Variants in SFMBT2 observed in about 807,000 individuals in gnomAD.
The protein encoded by SFMBT2 is scm-like with four MBT domains protein 2.
Under a neutral mutation model 110.1 loss-of-function variants are expected in SFMBT2, and 38 were observed. The observed-to-expected ratio is 0.35, with a 90% confidence interval of 0.27 to 0.45. The LOEUF (loss-of-function observed/expected upper bound fraction) is 0.45. SFMBT2 is among the 20% of genes least tolerant of loss of function. The probability of loss-of-function intolerance (pLI) is 1.00; values close to 1 mark genes in which losing one functional copy is unlikely to be tolerated. For synonymous variants in SFMBT2, 425 were observed against 425.4 expected, an observed-to-expected ratio of 1.00 and a Z score of 0.01; for missense variants, 1,011 against 1,094.9, an observed-to-expected ratio of 0.92 and a Z score of 1.08.
intron 7 of SFMBT2, among the ~76,000 whole-genome samples, chr10:7,254,574 C>A (rs1840934054): frequency 6.6e-6 from 1 of 152,074 alleles, no homozygotes; most frequent in Non-Finnish European, 1.5e-5. Context: ...GTAATCCCAG[C>A]ACTTTGGGAG....
intron 4 of SFMBT2, among the ~76,000 whole-genome samples, chr10:7,328,064 C>A (rs545240151): frequency 6.6e-6 from 1 of 152,306 alleles, no homozygotes; most frequent in Non-Finnish European, 1.5e-5. Flanking sequence ...ATTGGCTTTC[C>A]CATTTTGCAT....
intron 1 of SFMBT2, among the ~76,000 whole-genome samples, chr10:7,406,606 G>A (rs1480685510): frequency 1.3e-5 from 2 of 152,072 alleles, no homozygotes; most frequent in Non-Finnish European, 2.9e-5. Context: ...TAAAAGTCTT[G>A]ACTTTTAAGT....
At position 7,171,670 on chromosome 10, in the gene SFMBT2, G is replaced by A. The variant is rs1837875009; in HGVS notation, c.2415+225C>T. ...CCCAGGTGGCACTAAAGCCGTCCAGGAAAGAGGCGCTGTCTCCACCCTGGG... is the reference window on the plus strand; with the variant it reads ...CCCAGGTGGCACTAAAGCCGTCCAGAAAAGAGGCGCTGTCTCCACCCTGGG... On this transcript the variant is annotated intron_variant, in intron 19 of 20. Transcript: ENST00000397167. The surrounding 1 kb of genome is among the most constrained non-coding windows in gnomAD (Gnocchi z 4.9). 3 of 783,586 alleles carry A rather than the reference G, an allele frequency of 3.8e-6. No individual in the cohort carries two copies. Among genetic ancestry groups the A allele is most frequent in the Admixed American group, 6.2e-5 (1 of 16,016 alleles). 48.5% of individuals were successfully genotyped at this position (783,586 alleles called of 1,614,324 possible).
intron 4 of SFMBT2, among the ~76,000 whole-genome samples, chr10:7,344,913 T>C (rs1192939641): frequency 1.4e-5 from 2 of 140,044 alleles, no homozygotes; most frequent in Non-Finnish European, 3.0e-5. Context: ...GAGCCGAGAT[T>C]GCGCCACTGC....
At chr10:7,382,193 T>C (rs539514557) in intron 1 of SFMBT2, among the ~76,000 whole-genome samples, 2 of 152,178 alleles carry the variant, frequency 1.3e-5, no homozygotes, top group East Asian at 3.9e-4. Context: ...GTGGATCACT[T>C]GAGGTCAGGA....
chr10:7,332,311 A>C (rs1843585271), intron 4 of SFMBT2, among the ~76,000 whole-genome samples: 1 of 152,262 alleles, frequency 6.6e-6, no homozygotes, highest in African/African-American at 2.4e-5. Context: ...AAATGAGAGA[A>C]GACGCTACGA....
intron 4 of SFMBT2, among the ~76,000 whole-genome samples, chr10:7,296,067 A>G (rs1219473011): frequency 6.6e-6 from 1 of 152,256 alleles, no homozygotes; most frequent in African/African-American, 2.4e-5. Context: ...TTAAAAGTCT[A>G]CAAGATAAAT....
At chr10:7,384,292 T>G (rs1404460416) in intron 1 of SFMBT2, among the ~76,000 whole-genome samples, 1 of 146,320 alleles carries the variant, frequency 6.8e-6, no homozygotes, top group African/African-American at 2.6e-5. Flanking sequence ...GGACATGACG[T>G]GCTCACTGTG....
chr10:7,197,971 G>C, intron 14 of SFMBT2: 1 of 984,810 alleles, frequency 1.0e-6, no homozygotes, highest in Non-Finnish European at 1.2e-6. Context: ...TTTTGAGAAA[G>C]AGGCGCTGTG....
Position 7,287,715 on chromosome 10 carries a change from TAG to T in SFMBT2, c.437-1763_437-1762del, listed in dbSNP as rs1435167161. 2.7e-3 allele frequency among the ~76,000 whole-genome samples: 413 copies of T among 152,334 alleles called. 2 individuals are homozygous for T. The highest frequency in any genetic ancestry group is 9.5e-3 in the African/African-American group (394 of 41,576). On this transcript the variant is annotated intron_variant, in intron 4 of 20. Transcript: ENST00000397167. ...AGACCCAAGTAGTTTGTGCATTGTTTAGGTTCTTCAAAGGCTTGATGCAACCC... is the reference window on the plus strand; with the variant it reads ...AGACCCAAGTAGTTTGTGCATTGTTTGTTCTTCAAAGGCTTGATGCAACCC...
chr10:7,175,930 C>G, intron 17 of SFMBT2, 60 bp downstream of exon 17: 2 of 1,487,198 alleles, frequency 1.3e-6, no homozygotes, highest in Non-Finnish European at 1.8e-6. Context: ...AACCAAATAC[C>G]TTAGAGTGCA....
intron 4 of SFMBT2, among the ~76,000 whole-genome samples, chr10:7,349,590 T>C (rs1483815918): frequency 6.6e-6 from 1 of 151,624 alleles, no homozygotes; most frequent in African/African-American, 2.4e-5. Context: ...CTCGACTAGC[T>C]AGGATTACAG....
rs114518607 is a variant in SFMBT2 at position 7,356,014 on chromosome 10, C to T, written c.436+11635G>A. ...ATCTCTTACTCTGACAGTGGCAACA[C>T]CACAACTCACAAAATCACAGCATTC... On this transcript the variant is annotated intron_variant, in intron 4 of 20. Coordinates refer to ENST00000397167, the MANE Select transcript of SFMBT2 (RefSeq NM_001387889.1). Among the ~76,000 whole-genome samples the T allele has an allele frequency of 6.1e-3, 931 of 152,280 alleles. 6 individuals are homozygous for T. The highest frequency in any genetic ancestry group is 0.021 in the African/African-American group (889 of 41,566).
intron 11 of SFMBT2, chr10:7,214,589 C>T (rs945175614): frequency 2.0e-6 from 2 of 985,382 alleles, no homozygotes; most frequent in African/African-American, 3.5e-5. Flanking sequence ...CATACTGCTC[C>T]TCAAACACAC....
intron 1 of SFMBT2, among the ~76,000 whole-genome samples, chr10:7,409,014 G>C (rs1437998642): frequency 6.6e-6 from 1 of 151,960 alleles, no homozygotes. Flanking sequence ...AAACCCAAAA[G>C]TAAGGAAGGC....
chr10:7,235,587 G>C (rs895942381), intron 9 of SFMBT2, among the ~76,000 whole-genome samples: 4 of 149,818 alleles, frequency 2.7e-5, no homozygotes, highest in Non-Finnish European at 4.5e-5. Context: ...CCACACAGAC[G>C]TACCACACAT....
chr10:7,265,484 A>C (rs981520361), intron 7 of SFMBT2, among the ~76,000 whole-genome samples: 4 of 152,182 alleles, frequency 2.6e-5, no homozygotes, highest in African/African-American at 9.7e-5. Flanking sequence ...TACAGGCATG[A>C]GCCACCGCGC....
intron 11 of SFMBT2, among the ~76,000 whole-genome samples, chr10:7,209,248 T>G (rs923405412): frequency 6.6e-6 from 1 of 152,250 alleles, no homozygotes; most frequent in South Asian, 2.1e-4. Flanking sequence ...AAAAAGTTCA[T>G]AGGCAAAGCT....
intron 4 of SFMBT2, among the ~76,000 whole-genome samples, chr10:7,291,519 G>A (rs959170840): frequency 4.6e-5 from 7 of 151,884 alleles, no homozygotes; most frequent in African/African-American, 1.5e-4. Flanking sequence ...CCTATTCCCC[G>A]GGTCCTCTCT....
Sources: allele counts gnomAD v4.1 joint callset (sites outside exome capture counted in the v4.1 genomes callset), GRCh38; gene constraint gnomAD v4.1.1; non-coding constraint Gnocchi (gnomAD v3.1); transcripts MANE v1.5; gene names NCBI Gene and HGNC (gene_info 2026-07-23, HGNC 2026-07-21).